MYRIP: variants seen among roughly 807,000 people sequenced by gnomAD.
MYRIP encodes the protein myosin VIIA and Rab interacting protein, also known as rab effector MyRIP.
In MYRIP, 49 loss-of-function variants were observed where a neutral mutation model predicts 98.0. The ratio of observed to expected loss-of-function variants is 0.50; its 90% CI spans 0.40 to 0.63. The LOEUF is 0.63. MYRIP is among the 30% of genes least tolerant of loss of function. MYRIP has a pLI of 0.00. For missense variants in MYRIP, 1,004 were observed against 1,058.2 expected (o/e 0.95, Z 0.71); for synonymous variants, 404 against 409.5 (o/e 0.99, Z 0.16).
At chr3:39,903,745 C>T (rs1016171025) in intron 2 of MYRIP, among the ~76,000 whole-genome samples, 5 of 152,210 alleles carry the variant, frequency 3.3e-5, no homozygotes, top group African/African-American at 1.2e-4. Flanking sequence ...CATCCAAGAA[C>T]AGAGAGATTA....
At chr3:39,851,437 C>T (rs1257742628) in intron 1 of MYRIP, among the ~76,000 whole-genome samples, 1 of 152,070 alleles carries the variant, frequency 6.6e-6, no homozygotes, top group Non-Finnish European at 1.5e-5. Context: ...TTGCCCCACT[C>T]CCACACTCCT....
intron 6 of MYRIP, 73 bp downstream of exon 6, chr3:40,167,016 G>A (rs1443339331): frequency 7.1e-7 from 1 of 1,399,840 alleles, no homozygotes; most frequent in Non-Finnish European, 1.0e-6. Flanking sequence ...GAAAGTGCAG[G>A]TTGTCAGGAA....
At chr3:40,234,433 C>T (rs1248558880) in intron 12 of MYRIP, among the ~76,000 whole-genome samples, 2 of 152,208 alleles carry the variant, frequency 1.3e-5, no homozygotes, top group Non-Finnish European at 2.9e-5. Flanking sequence ...AGAACTGGCC[C>T]GTCCTACAAC....
At chr3:39,966,323 T>C (rs1478250376) in intron 2 of MYRIP, among the ~76,000 whole-genome samples, 2 of 152,172 alleles carry the variant, frequency 1.3e-5, no homozygotes, top group Non-Finnish European at 2.9e-5. Flanking sequence ...GGAGAGGTTC[T>C]CCAATGGTTA....
intron 3 of MYRIP, among the ~76,000 whole-genome samples, chr3:40,123,726 G>A (rs547849364): frequency 2.6e-4 from 39 of 152,318 alleles, no homozygotes; most frequent in African/African-American, 6.3e-4. Context: ...TTGTCTGCTT[G>A]TCTGTGTGTG....
At chr3:39,939,373 G>A (rs1944728499) in intron 2 of MYRIP, among the ~76,000 whole-genome samples, 1 of 152,016 alleles carries the variant, frequency 6.6e-6, no homozygotes, top group Non-Finnish European at 1.5e-5. Flanking sequence ...CTCTTGAAAA[G>A]GATACACATG....
intron 2 of MYRIP, among the ~76,000 whole-genome samples, chr3:39,941,005 T>C (rs1405550392): frequency 6.6e-6 from 1 of 152,108 alleles, no homozygotes; most frequent in Non-Finnish European, 1.5e-5. Context: ...TTGCTGTACT[T>C]TGGAAAAAAG....
intron 8 of MYRIP, among the ~76,000 whole-genome samples, chr3:40,175,474 C>T (rs886888854): frequency 5.3e-5 from 8 of 152,232 alleles, no homozygotes; most frequent in African/African-American, 1.9e-4. Context: ...TTCCTCCCTC[C>T]CTCCTTTTGT....
At chr3:40,155,749 C>T (rs9798946) in intron 4 of MYRIP, among the ~76,000 whole-genome samples, 16,024 of 150,836 alleles carry the variant, frequency 0.11, 1,952 homozygotes, top group African/African-American at 0.29. Context: ...CCAGTGATGG[C>T]GAGCATTTTT....
At chr3:40,156,150 A>G (rs902526325) in intron 4 of MYRIP, among the ~76,000 whole-genome samples, 1 of 151,308 alleles carries the variant, frequency 6.6e-6, no homozygotes, top group Non-Finnish European at 1.5e-5. Flanking sequence ...TCTTTAATCC[A>G]TCTTGAATTA....
chr3:40,236,857 T>TG (rs397793605), intron 12 of MYRIP, among the ~76,000 whole-genome samples: 1 of 151,994 alleles, frequency 6.6e-6, no homozygotes, highest in African/African-American at 2.4e-5. Context: ...TTTTTTTTTT[T>TG]AAGTAGAAAT....
At chr3:40,223,635 A>T (rs1952403418) in intron 11 of MYRIP, among the ~76,000 whole-genome samples, 2 of 152,216 alleles carry the variant, frequency 1.3e-5, no homozygotes, top group South Asian at 4.1e-4. Context: ...GATAAGAGAC[A>T]ATATTTAAAA....
At chr3:39,926,798 C>A (rs1187535825) in intron 2 of MYRIP, among the ~76,000 whole-genome samples, 1 of 151,940 alleles carries the variant, frequency 6.6e-6, no homozygotes, top group Non-Finnish European at 1.5e-5. Context: ...CTTAGGAATG[C>A]TTTGGCTATT....
chr3:40,124,371 T>C (rs886229026), intron 3 of MYRIP, among the ~76,000 whole-genome samples: 4 of 152,224 alleles, frequency 2.6e-5, no homozygotes, highest in African/African-American at 9.6e-5. Flanking sequence ...TTAGGATCTT[T>C]TCATCTTTAC....
chr3:40,059,117 C>T (rs1054705215), intron 3 of MYRIP, among the ~76,000 whole-genome samples: 22 of 152,134 alleles, frequency 1.4e-4, no homozygotes, highest in Non-Finnish European at 1.9e-4. Context: ...TGAACTCATC[C>T]TTTTTTGTGG....
chr3:39,887,771 A>G (rs1371223340), intron 1 of MYRIP, among the ~76,000 whole-genome samples: 1 of 152,192 alleles, frequency 6.6e-6, no homozygotes, highest in African/African-American at 2.4e-5. Context: ...TTGTATATCT[A>G]GAGAACCCCA....
intron 2 of MYRIP, among the ~76,000 whole-genome samples, chr3:40,012,563 C>G (rs1458742338): frequency 6.6e-6 from 1 of 152,156 alleles, no homozygotes; most frequent in East Asian, 1.9e-4. Flanking sequence ...GAGGGAGTTC[C>G]TAAGTCAGAT....
At chr3:40,088,685 C>T (rs1027654556) in intron 3 of MYRIP, among the ~76,000 whole-genome samples, 3 of 152,200 alleles carry the variant, frequency 2.0e-5, no homozygotes, top group African/African-American at 7.2e-5. Context: ...AGCCAGGAAA[C>T]CAGAGCCCAT....
intron 16 of MYRIP, among the ~76,000 whole-genome samples, chr3:40,253,721 T>C (rs1953472924): frequency 6.6e-6 from 1 of 152,242 alleles, no homozygotes. Context: ...AACCTCGATG[T>C]TGGATCAGGA....
Sources: gnomAD v4.1 joint callset for allele counts (sites outside exome capture counted in the v4.1 genomes callset) on GRCh38, gnomAD v4.1.1 for gene constraint, MANE v1.5 for transcripts, NCBI Gene and HGNC (gene_info 2026-07-23, HGNC 2026-07-21) for gene names.